Variants in MYO5B observed in about 807,000 individuals in gnomAD.
The protein encoded by MYO5B is unconventional myosin-Vb.
A neutral mutation model predicts 229.3 loss-of-function variants in MYO5B; 143 were observed. The observed-to-expected ratio is 0.62, with a 90% confidence interval of 0.54 to 0.72. MYO5B has a LOEUF of 0.72. Ranked by LOEUF, MYO5B falls within the 30% of genes least tolerant of loss-of-function variation. The pLI, the probability that MYO5B is intolerant of heterozygous loss-of-function variation, is 0.00. For synonymous variants in MYO5B, 918 were observed against 885.2 expected (o/e 1.04, Z -0.66); for missense variants, 2,321 against 2,331.0 (o/e 1.00, Z 0.09).
At chr18:49,974,647 G>T in intron 9 of MYO5B, 32 bp from the exon 10 acceptor site, 1 of 1,604,270 alleles carries the variant, frequency 6.2e-7, no homozygotes, top group Non-Finnish European at 8.5e-7. Flanking sequence ...GGTTCAGGAG[G>T]AGTGTGGGAG....
intron 17 of MYO5B, among the ~76,000 whole-genome samples, chr18:49,918,990 C>G (rs1385004440): frequency 6.6e-6 from 1 of 152,316 alleles, no homozygotes; most frequent in African/African-American, 2.4e-5. Context: ...TATGGTGGCT[C>G]TACCCTTTTC....
chr18:49,954,233 T>A, intron 13 of MYO5B, 80 bp downstream of exon 13: 1 of 1,587,156 alleles, frequency 6.3e-7, no homozygotes, highest in Non-Finnish European at 8.6e-7. Context: ...AGGGACAGAT[T>A]TCTCTCTAGG....
At chr18:50,005,553 G>A (rs897099798) in intron 4 of MYO5B, among the ~76,000 whole-genome samples, 1 of 152,162 alleles carries the variant, frequency 6.6e-6, no homozygotes, top group Non-Finnish European at 1.5e-5. Context: ...TAGTATTATA[G>A]GCATAGGCAT....
intron 1 of MYO5B, among the ~76,000 whole-genome samples, chr18:50,106,059 C>G (rs552927970): frequency 1.3e-5 from 2 of 152,280 alleles, no homozygotes; most frequent in South Asian, 4.1e-4. Flanking sequence ...CCCCTGCATC[C>G]TCCGCCTGCT....
intron 9 of MYO5B, among the ~76,000 whole-genome samples, chr18:49,977,729 AT>A (rs1318389648): frequency 6.6e-6 from 1 of 151,996 alleles, no homozygotes; most frequent in African/African-American, 2.4e-5. Context: ...TCTGGGCCTT[AT>A]TTTTTCCTCC....
chr18:50,031,895 C>CCCT (rs1188163084), intron 4 of MYO5B, among the ~76,000 whole-genome samples: 8 of 152,180 alleles, frequency 5.3e-5, no homozygotes, highest in Non-Finnish European at 2.9e-5. Context: ...CATAATGGAT[C>CCCT]CCTATCTTGG....
chr18:49,835,573 T>C (rs1326680804), intron 38 of MYO5B, 149 bp from the exon 39 acceptor site: 3 of 647,376 alleles, frequency 4.6e-6, no homozygotes, highest in Non-Finnish European at 8.4e-6. Context: ...ACATTTACAC[T>C]TGGAGCCTGC....
intron 2 of MYO5B, among the ~76,000 whole-genome samples, chr18:50,054,507 C>T (rs942686552): frequency 1.3e-5 from 2 of 152,300 alleles, no homozygotes; most frequent in African/African-American, 2.4e-5. Context: ...ACCCATCTGC[C>T]CCCTGGGACC....
chr18:50,116,294 T>C (rs971298507), intron 1 of MYO5B, among the ~76,000 whole-genome samples: 2 of 152,160 alleles, frequency 1.3e-5, no homozygotes, highest in African/African-American at 4.8e-5. Flanking sequence ...TGGAGCAGCC[T>C]GATCACTAGT....
intron 1 of MYO5B, among the ~76,000 whole-genome samples, chr18:50,076,451 G>A (rs79504409): frequency 0.01 from 1,532 of 152,280 alleles, 26 homozygotes; most frequent in African/African-American, 0.034. Context: ...AGGAGGGGAA[G>A]CAAAGATCAC....
intron 2 of MYO5B, among the ~76,000 whole-genome samples, chr18:50,053,334 G>C (rs1262824337): frequency 1.3e-5 from 2 of 152,196 alleles, no homozygotes; most frequent in Non-Finnish European, 2.9e-5. Flanking sequence ...GCCACAGTTA[G>C]TCATGCAGGG....
At chr18:49,869,086 AG>A (rs2059408849) in intron 27 of MYO5B, among the ~76,000 whole-genome samples, 1 of 152,182 alleles carries the variant, frequency 6.6e-6, no homozygotes, top group African/African-American at 2.4e-5. Context: ...CTGAGTGGCC[AG>A]GTGTATCGAC....
intron 17 of MYO5B, among the ~76,000 whole-genome samples, chr18:49,913,066 C>G (rs1233613084): frequency 6.6e-6 from 1 of 152,080 alleles, no homozygotes; most frequent in Admixed American, 6.5e-5. Context: ...TGATTTTTTT[C>G]TTCTGATTAT....
intron 39 of MYO5B, among the ~76,000 whole-genome samples, chr18:49,832,425 A>G (rs2023934005): frequency 1.3e-5 from 2 of 152,260 alleles, no homozygotes; most frequent in Non-Finnish European, 2.9e-5. Flanking sequence ...TACTTTTACA[A>G]AAGTCAATAG....
chr18:49,863,108 T>C, intron 29 of MYO5B, 119 bp downstream of exon 29: 1 of 799,824 alleles, frequency 1.3e-6, no homozygotes, highest in South Asian at 1.4e-5. Context: ...TGTCCTCTAA[T>C]AAATAATTCT....
At chr18:49,923,317 A>T (rs2025095133) in intron 17 of MYO5B, among the ~76,000 whole-genome samples, 1 of 152,170 alleles carries the variant, frequency 6.6e-6, no homozygotes, top group South Asian at 2.1e-4. Context: ...CCATGACTTG[A>T]ATCTTTCATT....
intron 1 of MYO5B, among the ~76,000 whole-genome samples, chr18:50,134,057 C>T (rs928453009): frequency 6.6e-5 from 10 of 152,014 alleles, no homozygotes; most frequent in African/African-American, 2.4e-4. Context: ...CTAAAAAGAT[C>T]CACAAGAAAC....
At chr18:50,089,991 A>T (rs1467412736) in intron 1 of MYO5B, among the ~76,000 whole-genome samples, 1 of 152,172 alleles carries the variant, frequency 6.6e-6, no homozygotes, top group East Asian at 1.9e-4. Flanking sequence ...ATGCAAATCA[A>T]ACACCACCTC....
At chr18:50,063,333 C>T (rs1042581436) in intron 1 of MYO5B, among the ~76,000 whole-genome samples, 1 of 152,162 alleles carries the variant, frequency 6.6e-6, no homozygotes, top group Non-Finnish European at 1.5e-5. Context: ...TAATTTAGAG[C>T]CACAAGGAAT....
Sources: gnomAD v4.1 joint callset for allele counts (sites outside exome capture counted in the v4.1 genomes callset) on GRCh38, gnomAD v4.1.1 for gene constraint, MANE v1.5 for transcripts, NCBI Gene and HGNC (gene_info 2026-07-23, HGNC 2026-07-21) for gene names.